OPCML: variants seen among roughly 807,000 people sequenced by gnomAD.
OPCML encodes the protein opioid-binding protein/cell adhesion molecule.
Under a neutral mutation model 37.8 loss-of-function variants are expected in OPCML, and 13 were observed. The observed-to-expected ratio is 0.34, with a 90% CI of 0.22 to 0.55. The LOEUF (loss-of-function observed/expected upper bound fraction) is 0.55. OPCML is among the 20% of genes least tolerant of loss of function. OPCML has a pLI of 0.91. For synonymous variants in OPCML, 176 were observed against 168.8 expected, an observed-to-expected ratio of 1.04 and a Z score of -0.33; for missense variants, 341 against 435.6, an observed-to-expected ratio of 0.78 and a Z score of 1.93.
intron 4 of OPCML, among the ~76,000 whole-genome samples, chr11:132,500,226 C>T (rs745994867): frequency 1.3e-5 from 2 of 152,134 alleles, no homozygotes; most frequent in Non-Finnish European, 2.9e-5. Flanking sequence ...TGTTCAGCTC[C>T]TCTAAGAGTT....
At chr11:133,203,112 G>A (rs577116055) in intron 1 of OPCML, among the ~76,000 whole-genome samples, 22 of 152,204 alleles carry the variant, frequency 1.4e-4, no homozygotes, top group Non-Finnish European at 3.1e-4. Flanking sequence ...TAACTTGCCC[G>A]AGATGATAAA....
chr11:132,697,922 C>T (rs1943654797), intron 2 of OPCML, among the ~76,000 whole-genome samples: 1 of 151,628 alleles, frequency 6.6e-6, no homozygotes, highest in African/African-American at 2.4e-5. Context: ...CATGCATTAC[C>T]ACACCAGGTT....
intron 2 of OPCML, among the ~76,000 whole-genome samples, chr11:132,848,220 T>C (rs556616384): frequency 6.6e-6 from 1 of 152,350 alleles, no homozygotes; most frequent in African/African-American, 2.4e-5. Context: ...TGAGAGCTTG[T>C]ACTTATGCCT....
intron 2 of OPCML, among the ~76,000 whole-genome samples, chr11:132,823,208 T>C (rs1250415166): frequency 1.3e-5 from 2 of 152,174 alleles, no homozygotes; most frequent in Non-Finnish European, 2.9e-5. Context: ...TCCATTTTTT[T>C]CTCCTAGCTT....
intron 1 of OPCML, among the ~76,000 whole-genome samples, chr11:133,191,500 T>TGG (rs1475847861): frequency 1.6e-5 from 2 of 123,586 alleles, no homozygotes; most frequent in African/African-American, 3.6e-5. Flanking sequence ...TTTCTGTGTG[T>TGG]GTGGGTGTGT....
At chr11:132,631,337 AAAT>A (rs1339065323) in intron 3 of OPCML, among the ~76,000 whole-genome samples, 3 of 119,450 alleles carry the variant, frequency 2.5e-5, no homozygotes, top group African/African-American at 9.2e-5. Flanking sequence ...TAAAAGAAAA[AAAT>A]AACCATATAT....
chr11:133,175,070 C>G lies in OPCML; in HGVS notation c.62-232060G>C, dbSNP rs72653407. Among the ~76,000 whole-genome samples the G allele has an allele frequency of 3.6e-3, 546 of 152,278 alleles. 7 individuals are homozygous for G. The highest frequency in any genetic ancestry group is 0.021 in the East Asian group (107 of 5,184). On this transcript the variant is annotated intron_variant, in intron 1 of 7. Coordinates refer to ENST00000524381, the MANE Select transcript of OPCML (RefSeq NM_001012393.5). ...AGTAAGCTACGATTATGCCCCTGCA[C>G]GCCTTGTTAATCTTGGAAGTAGAAT...
At chr11:132,441,323 A>G (rs1359637039) in intron 4 of OPCML, among the ~76,000 whole-genome samples, 2 of 149,524 alleles carry the variant, frequency 1.3e-5, no homozygotes, top group Non-Finnish European at 3.0e-5. Context: ...GCCCGCCACT[A>G]CGCCCGGCTA....
chr11:132,792,745 C>G (rs1357098887), intron 2 of OPCML, among the ~76,000 whole-genome samples: 1 of 152,176 alleles, frequency 6.6e-6, no homozygotes, highest in Non-Finnish European at 1.5e-5. Flanking sequence ...AAGTGGAAAC[C>G]TTCCTGGAGC....
chr11:133,455,974 C>A (rs7927151), intron 1 of OPCML, among the ~76,000 whole-genome samples: 3 of 152,098 alleles, frequency 2.0e-5, no homozygotes, highest in Non-Finnish European at 2.9e-5. Flanking sequence ...GCACAACATA[C>A]TCGCAATGTT....
rs138133304 is a variant in OPCML at position 133,231,225 on chromosome 11, A to C, written c.62-288215T>G. The stretch of plus-strand genomic sequence containing the variant: ...GCTGCGGATGAAACATTTGAGGATA[A>C]AAAATTAAGCTCCAGCTTGGATACA... On this transcript the variant is annotated intron_variant, in intron 1 of 7. Coordinates refer to ENST00000524381, the MANE Select transcript of OPCML (RefSeq NM_001012393.5). Among the ~76,000 whole-genome samples the C allele has an allele frequency of 1.5e-3, 236 of 152,284 alleles. 6 individuals are homozygous for C. Among genetic ancestry groups the C allele is most frequent in the Middle Eastern group, 0.01 (3 of 294 alleles).
chr11:132,847,831 T>A lies in OPCML; in HGVS notation c.146+95095A>T, dbSNP rs546574706. On this transcript the variant is annotated intron_variant, in intron 2 of 7. Coordinates refer to ENST00000524381, the MANE Select transcript of OPCML (RefSeq NM_001012393.5). ...TTGCTGGAGATTTGTTAGAGCCACA[T>A]TTGTACATGAATTCTTATTTATGTT... Among the ~76,000 whole-genome samples the A allele has an allele frequency of 2.0e-5, 3 of 152,346 alleles. No homozygotes were observed. In the South Asian group the frequency reaches 6.2e-4, roughly 32 times the overall value.
At position 132,444,986 on chromosome 11, in the gene OPCML, C is replaced by T. The variant is rs139516773; in HGVS notation, c.506-7627G>A. 2.2e-3 allele frequency among the ~76,000 whole-genome samples: 336 copies of T among 152,358 alleles called. 1 individual carries two copies. Among genetic ancestry groups the T allele is most frequent in the African/African-American group, 7.6e-3 (318 of 41,584 alleles). ...AAGTCATTTTGGTTTGGAGGCCAAGCGCCTGGTCAATGTCTCACTTGCTGG... is the reference window on the plus strand; with the variant it reads ...AAGTCATTTTGGTTTGGAGGCCAAGTGCCTGGTCAATGTCTCACTTGCTGG... On this transcript the variant is annotated intron_variant, in intron 4 of 7. Coordinates refer to ENST00000524381, the MANE Select transcript of OPCML (RefSeq NM_001012393.5).
chr11:133,197,526 G>T (rs1237998796), intron 1 of OPCML, among the ~76,000 whole-genome samples: 1 of 152,122 alleles, frequency 6.6e-6, no homozygotes, highest in Non-Finnish European at 1.5e-5. Context: ...GCTTCTCATG[G>T]GTGACTAAGG....
chr11:132,513,943 G>A (rs920230805), intron 4 of OPCML, among the ~76,000 whole-genome samples: 21 of 152,222 alleles, frequency 1.4e-4, no homozygotes, highest in Non-Finnish European at 1.6e-4. Flanking sequence ...TACATAACAC[G>A]TAGAAGGCAC....
At chr11:133,446,180 T>G (rs1483507461) in intron 1 of OPCML, among the ~76,000 whole-genome samples, 4 of 152,214 alleles carry the variant, frequency 2.6e-5, no homozygotes, top group Admixed American at 6.5e-5. Context: ...TTATGAGATT[T>G]AAGCATCTCT....
chr11:132,487,298 G>A (rs1384595509), intron 4 of OPCML, among the ~76,000 whole-genome samples: 1 of 152,192 alleles, frequency 6.6e-6, no homozygotes, highest in Non-Finnish European at 1.5e-5. Context: ...TGTCCCTTTA[G>A]GAATTTCCAA....
chr11:133,232,228 G>A (rs530315727), intron 1 of OPCML, among the ~76,000 whole-genome samples: 37 of 152,132 alleles, frequency 2.4e-4, no homozygotes, highest in African/African-American at 7.9e-4. Context: ...GGGCAGCTCC[G>A]TACTTGGTTC....
At chr11:133,295,451 T>A (rs192739331) in intron 1 of OPCML, among the ~76,000 whole-genome samples, 12 of 152,292 alleles carry the variant, frequency 7.9e-5, no homozygotes, top group African/African-American at 2.6e-4. Context: ...TCTGAAAGTA[T>A]GGTGGATGAC....
Sources: allele counts gnomAD v4.1 joint callset (sites outside exome capture counted in the v4.1 genomes callset), GRCh38; gene constraint gnomAD v4.1.1; transcripts MANE v1.5; gene names NCBI Gene and HGNC (gene_info 2026-07-23, HGNC 2026-07-21).